Variants in BPIFB4 observed in about 807,000 individuals in gnomAD.
BPIFB4 encodes BPI fold containing family B member 4.
BPIFB4 carries 62 observed loss-of-function variants against 69.2 expected under a neutral mutation model. That is an observed-to-expected ratio of 0.90 (90% CI 0.73 to 1.11). BPIFB4 has a LOEUF of 1.11. Among genes scored for constraint, BPIFB4 ranks in the 50% least tolerant of loss-of-function variants. The pLI is 0.00. For synonymous variants in BPIFB4, 330 were observed against 332.7 expected (o/e 0.99, Z 0.09); for missense variants, 789 against 792.0 (o/e 1.00, Z 0.04).
At chr20:33,100,770 C>T (rs755234118) in intron 14 of BPIFB4, among the ~76,000 whole-genome samples, 4 of 152,208 alleles carry the variant, frequency 2.6e-5, no homozygotes, top group Non-Finnish European at 5.9e-5. Context: ...AGTCTCAGTG[C>T]TTTGGGAGGC....
rs533215894 is a variant in BPIFB4 at position 33,111,494 on chromosome 20, G to A, written c.*57G>A. 6.2e-7 allele frequency: 1 copy of A among 1,606,168 alleles called. No homozygotes were observed. Among genetic ancestry groups the A allele is most frequent in the East Asian group, 2.2e-5 (1 of 44,754 alleles). On this transcript the variant is annotated 3_prime_UTR_variant, in exon 18 of 18. Transcript: ENST00000375483. ...AAGAAGCTGGAACCAGTCCCAGAGAGGCTCGGCCTGGAAACAGTCCCCTGC... is the reference window on the plus strand; with the variant it reads ...AAGAAGCTGGAACCAGTCCCAGAGAAGCTCGGCCTGGAAACAGTCCCCTGC...
rs555606085 is a variant in BPIFB4, at chr20:33,083,420, T to C, written c.223T>C (p.Tyr75His). 1.4e-5 allele frequency: 23 copies of C among 1,613,324 alleles called. No homozygotes were observed. In the South Asian group the frequency reaches 2.3e-4, roughly 16 times the overall value. ...CCATGTCCGAGGACCCCCCCCAGTA[T>C]ATACCAACGGCAAAAAACTTGATGG... ...DFHVRGPPPV[Y>H]TNGKKLDGIY... Residue 75 changes from tyrosine to histidine, a missense_variant, in exon 5 of 18, where the codon TAT (tyrosine) becomes CAT (histidine). Around this residue, in one of 3 missense-constraint regions of BPIFB4, gnomAD observed 611 missense variants for 575.4 expected, o/e 1.06. Transcript: ENST00000375483.
At chr20:33,110,190 T>A (rs1982195218) in intron 17 of BPIFB4, among the ~76,000 whole-genome samples, 1 of 152,250 alleles carries the variant, frequency 6.6e-6, no homozygotes, top group African/African-American at 2.4e-5. Flanking sequence ...GTCATGTCTC[T>A]TTAGAGTCCT....
chr20:33,083,322 G>A (rs1226426321), intron 4 of BPIFB4, 45 bp from the exon 5 acceptor site: 21 of 1,574,080 alleles, frequency 1.3e-5, no homozygotes, highest in Non-Finnish European at 1.8e-5. Context: ...TTGGGTGGTG[G>A]CCGACACCAT....
chr20:33,098,857 C>T (rs1217386474), intron 13 of BPIFB4, among the ~76,000 whole-genome samples: 1 of 152,102 alleles, frequency 6.6e-6, no homozygotes, highest in Non-Finnish European at 1.5e-5. Flanking sequence ...ATCCCCTCAT[C>T]ACCTCTGAGC....
chr20:33,087,796 T>C (rs1230474685), intron 7 of BPIFB4, among the ~76,000 whole-genome samples: 1 of 143,738 alleles, frequency 7.0e-6, no homozygotes, highest in Non-Finnish European at 1.5e-5. Context: ...TCAAGGCCCT[T>C]ATCATCTGAG....
chr20:33,086,161 G>T lies in BPIFB4; in HGVS notation c.923G>T (p.Arg308Leu). Residue 308 changes from arginine (R) to leucine (L), a missense_variant, in exon 7 of 18, where the codon CGA (arginine) becomes CTA (leucine). Physicochemically the swap from Arg to Leu is moderately radical, Grantham distance 102. This residue lies in a region of BPIFB4 where 611 missense variants were observed against 575.4 expected (regional missense o/e 1.06). Coordinates refer to ENST00000375483, the MANE Select transcript of BPIFB4 (RefSeq NM_182519.3). The stretch of plus-strand genomic sequence containing the variant: ...GGGGGCATCAAAGTCAAGCTGCTGC[G>T]AGGGTGAGTGCTAGCCGGCAGTGGA... ...LLGGIKVKLLRGLLPNLVDNL... is the reference protein window; with the variant it reads ...LLGGIKVKLLLGLLPNLVDNL... The T allele has an allele frequency of 6.2e-7, 1 of 1,605,044 alleles. No individual in the cohort carries two copies. The highest frequency in any genetic ancestry group is 8.5e-7 in the Non-Finnish European group (1 of 1,172,524).
At chr20:33,087,972 C>T (rs571720967) in intron 7 of BPIFB4, among the ~76,000 whole-genome samples, 38 of 152,198 alleles carry the variant, frequency 2.5e-4, no homozygotes, top group African/African-American at 8.4e-4. Flanking sequence ...ACCTCAGAAG[C>T]GGGAACCCAG....
At chr20:33,090,359 T>C (rs532205201) in intron 9 of BPIFB4, among the ~76,000 whole-genome samples, 2 of 152,322 alleles carry the variant, frequency 1.3e-5, no homozygotes, top group African/African-American at 4.8e-5. Flanking sequence ...AAGCACCACA[T>C]TGTGGAACCC....
intron 6 of BPIFB4, 64 bp downstream of exon 6, chr20:33,085,060 A>G (rs1981383931): frequency 6.4e-7 from 1 of 1,562,088 alleles, no homozygotes; most frequent in African/African-American, 1.4e-5. Flanking sequence ...TATCCATAAC[A>G]CAGAGGCTAG....
At chr20:33,096,276 C>T (rs977020456) in intron 12 of BPIFB4, among the ~76,000 whole-genome samples, 5 of 152,066 alleles carry the variant, frequency 3.3e-5, no homozygotes, top group Non-Finnish European at 7.4e-5. Context: ...TTAGAGTATA[C>T]TTTTTCTTTC....
intron 2 of BPIFB4, among the ~76,000 whole-genome samples, chr20:33,081,024 G>A (rs1981213174): frequency 6.6e-6 from 1 of 152,190 alleles, no homozygotes; most frequent in Non-Finnish European, 1.5e-5. Flanking sequence ...ATGGGTAATA[G>A]ATAGATGGAA....
At chr20:33,085,410 G>A (rs2070323) in intron 6 of BPIFB4, among the ~76,000 whole-genome samples, 33,099 of 151,790 alleles carry the variant, frequency 0.22, 3,779 homozygotes, top group Admixed American at 0.29. Context: ...AGCTGAGATC[G>A]TGCCACTGCA....
chr20:33,092,446 C>T lies in BPIFB4; in HGVS notation c.1144-12C>T, dbSNP rs1981626532. 1.9e-6 allele frequency: 3 copies of T among 1,608,362 alleles called. No individual in the cohort carries two copies. The highest frequency in any genetic ancestry group is 2.6e-6 in the Non-Finnish European group (3 of 1,175,520). On this transcript the variant is annotated splice_polypyrimidine_tract_variant and intron_variant, in intron 10 of 17. Coordinates refer to ENST00000375483, the MANE Select transcript of BPIFB4 (RefSeq NM_182519.3). ...TCCCTCCCTGTGACCCCTTTCTTCTCTTCTCCCCCAGACGCTGGTTGGGGA... is the reference window on the plus strand; with the variant it reads ...TCCCTCCCTGTGACCCCTTTCTTCTTTTCTCCCCCAGACGCTGGTTGGGGA...
intron 4 of BPIFB4, among the ~76,000 whole-genome samples, 159 bp from the exon 5 acceptor site, chr20:33,083,208 G>A (rs1234251222): frequency 8.2e-6 from 1 of 121,230 alleles, no homozygotes; most frequent in African/African-American, 3.2e-5. Flanking sequence ...GGCAGTGGTG[G>A]GGGGTTGCTG....
intron 11 of BPIFB4, among the ~76,000 whole-genome samples, chr20:33,093,932 GTCTGTCTGTCTC>G (rs1470551363): frequency 1.3e-5 from 2 of 152,214 alleles, no homozygotes; most frequent in African/African-American, 2.4e-5. Context: ...TGTCTGATCT[GTCTGTCTGTCTC>G]TCTGTCTGTC....
Position 33,089,043 on chromosome 20 carries a change from C to T in BPIFB4, c.990+14C>T. 1.2e-6 allele frequency: 2 copies of T among 1,613,838 alleles called. No homozygotes were observed. Among genetic ancestry groups the T allele is most frequent in the Non-Finnish European group, 1.7e-6 (2 of 1,179,822 alleles). On this transcript the variant is annotated intron_variant, in intron 8 of 17. Transcript: ENST00000375483. ...CTCCCTGACTTGGTAAGAAGCTGTC[C>T]CAGTATGGGAGCAAGGGGCACAGGC...
At chr20:33,098,250 C>T (rs575813503) in intron 13 of BPIFB4, among the ~76,000 whole-genome samples, 1 of 152,064 alleles carries the variant, frequency 6.6e-6, no homozygotes, top group Non-Finnish European at 1.5e-5. Context: ...TTGCCTATAC[C>T]CAGTGTGTGG....
At chr20:33,090,160 G>A (rs1223903922) in intron 9 of BPIFB4, among the ~76,000 whole-genome samples, 2 of 152,222 alleles carry the variant, frequency 1.3e-5, no homozygotes, top group African/African-American at 2.4e-5. Context: ...GTTGTGCAGT[G>A]CACAGCCTCC....
Sources: gnomAD v4.1 joint callset for allele counts (sites outside exome capture counted in the v4.1 genomes callset) on GRCh38, gnomAD v4.1.1 for gene constraint, gnomAD v4.1.1 regional missense constraint, MANE v1.5 for transcripts, NCBI Gene and HGNC (gene_info 2026-07-23, HGNC 2026-07-21) for gene names.